The following KIAA0586 variants were observed in gnomAD, a reference collection of about 807,000 sequenced individuals.
The protein encoded by KIAA0586 is KIAA0586, also known as protein TALPID3.
A neutral mutation model predicts 169.8 loss-of-function variants in KIAA0586; 144 were observed. The ratio of observed to expected loss-of-function variants is 0.85; its 90% CI spans 0.74 to 0.97. The LOEUF is 0.97. Among genes scored for constraint, KIAA0586 ranks in the 50% least tolerant of loss-of-function variants. KIAA0586 has a pLI of 0.00. For missense variants in KIAA0586, 1,854 were observed against 1,823.0 expected (o/e 1.02, Z -0.31); for synonymous variants, 625 against 612.4 (o/e 1.02, Z -0.30).
chr14:58,538,025 G>A (rs1306258842), intron 29 of KIAA0586, among the ~76,000 whole-genome samples: 3 of 152,160 alleles, frequency 2.0e-5, no homozygotes, highest in Non-Finnish European at 1.5e-5. Context: ...ACAGACACCT[G>A]TAGTTCTAGC....
At chr14:58,511,211 ATAAAGTGT>A (rs1360036722) in intron 28 of KIAA0586, among the ~76,000 whole-genome samples, 2 of 152,222 alleles carry the variant, frequency 1.3e-5, no homozygotes, top group African/African-American at 4.8e-5. Context: ...GAATAAAACT[ATAAAGTGT>A]TACCAGAAGA....
intron 15 of KIAA0586, 100 bp downstream of exon 15, chr14:58,466,129 T>C: frequency 1.1e-6 from 1 of 911,402 alleles, no homozygotes; most frequent in East Asian, 2.5e-5. Flanking sequence ...TGGCTCAGAG[T>C]GGTCTGGAAC....
chr14:58,519,695 T>G (rs918981559), intron 29 of KIAA0586, among the ~76,000 whole-genome samples: 3 of 152,216 alleles, frequency 2.0e-5, no homozygotes, highest in African/African-American at 7.2e-5. Context: ...GATAGTGTTG[T>G]GATTTGTTTT....
At chr14:58,452,437 G>C (rs2039465540) in intron 8 of KIAA0586, among the ~76,000 whole-genome samples, 1 of 152,122 alleles carries the variant, frequency 6.6e-6, no homozygotes, top group Non-Finnish European at 1.5e-5. Context: ...TTTTAAGAAA[G>C]TCACAAGATA....
chr14:58,558,489 A>T, the KIAA0586 span, among the ~76,000 whole-genome samples: 1 of 152,220 alleles, frequency 6.6e-6, no homozygotes, highest in South Asian at 2.1e-4. Flanking sequence ...ATAAGGGTGG[A>T]TCTTCATGGA....
chr14:58,557,718 C>T, the KIAA0586 span, among the ~76,000 whole-genome samples: 2 of 151,988 alleles, frequency 1.3e-5, no homozygotes, highest in African/African-American at 4.8e-5. Context: ...TTCTCTCAGC[C>T]AAATTAATGC....
In KIAA0586 at chr14:58,457,792, G is replaced by A. The variant is rs757196467; in HGVS notation, c.1396G>A (p.Asp466Asn). 4 of 1,605,068 alleles carry A rather than the reference G, an allele frequency of 2.5e-6. No individual in the cohort carries two copies. Among genetic ancestry groups the A allele is most frequent in the Non-Finnish European group, 3.4e-6 (4 of 1,175,576 alleles). ...ATCTCTGAGTATGTTGAAGCTTCCA[G>A]ATCTTCCACAGAATTCTGTTAAGCT... ...KESLSMLKLP[D>N]LPQNSVKLQT... The change falls in exon 11 of 31, where the codon GAT becomes AAT. Residue 466 changes from aspartate (D) to asparagine (N), a missense_variant. By Grantham distance (23) the Asp-to-Asn change is conservative. Coordinates refer to ENST00000652326, the MANE Select transcript of KIAA0586 (RefSeq NM_001329943.3).
intron 26 of KIAA0586, among the ~76,000 whole-genome samples, chr14:58,496,282 T>TA (rs1359370298): frequency 1.3e-5 from 2 of 152,190 alleles, no homozygotes; most frequent in Non-Finnish European, 2.9e-5. Flanking sequence ...CAGAGATACT[T>TA]ATGAGTATGA....
intron 17 of KIAA0586, 116 bp downstream of exon 17, chr14:58,470,839 A>G (rs1412390268): frequency 1.7e-6 from 1 of 591,874 alleles, no homozygotes; most frequent in East Asian, 3.2e-5. Flanking sequence ...TTAGATTTTG[A>G]AGAAAAGATT....
At chr14:58,443,304 C>A (rs1217319480) in intron 5 of KIAA0586, among the ~76,000 whole-genome samples, 2 of 152,244 alleles carry the variant, frequency 1.3e-5, no homozygotes, top group African/African-American at 4.8e-5. Flanking sequence ...AAAACTAGAA[C>A]TCAAGGCTGC....
At chr14:58,474,067 A>C (rs531472212) in intron 18 of KIAA0586, among the ~76,000 whole-genome samples, 1 of 152,068 alleles carries the variant, frequency 6.6e-6, no homozygotes, top group African/African-American at 2.4e-5. Flanking sequence ...GGAGGGAGCA[A>C]GAGAGAGAGG....
chr14:58,453,783 A>C (rs964094400), intron 9 of KIAA0586, among the ~76,000 whole-genome samples: 5 of 152,180 alleles, frequency 3.3e-5, no homozygotes, highest in Admixed American at 3.3e-4. Context: ...GGGAGTATAG[A>C]TAAAATGAGG....
intron 6 of KIAA0586, 135 bp from the exon 7 acceptor site, chr14:58,448,205 C>A: frequency 1.6e-6 from 1 of 610,226 alleles, no homozygotes; most frequent in Non-Finnish European, 2.8e-6. Context: ...TGGATACTTG[C>A]AATGTAATAC....
intron 1 of KIAA0586, among the ~76,000 whole-genome samples, chr14:58,428,989 C>T (rs1009659208): frequency 6.6e-6 from 1 of 152,132 alleles, no homozygotes; most frequent in African/African-American, 2.4e-5. Flanking sequence ...CAGCAAAACG[C>T]TTTTGTAATG....
chr14:58,517,541 T>C (rs1051086453), intron 29 of KIAA0586, among the ~76,000 whole-genome samples: 1 of 152,200 alleles, frequency 6.6e-6, no homozygotes, highest in Non-Finnish European at 1.5e-5. Flanking sequence ...GAATGCAACA[T>C]GCACCTTGGA....
chr14:58,436,695 A>C (rs540521497), intron 4 of KIAA0586, among the ~76,000 whole-genome samples: 1 of 152,340 alleles, frequency 6.6e-6, no homozygotes, highest in East Asian at 1.9e-4. Flanking sequence ...ATATGTGTGT[A>C]TATACATACA....
intron 14 of KIAA0586, among the ~76,000 whole-genome samples, chr14:58,464,838 A>G (rs550747507): frequency 1.3e-5 from 2 of 152,202 alleles, no homozygotes; most frequent in South Asian, 4.2e-4. Context: ...AGACAAAGGG[A>G]TGATTCATGT....
chr14:58,529,425 A>C (rs928387493), intron 29 of KIAA0586, among the ~76,000 whole-genome samples: 4 of 152,238 alleles, frequency 2.6e-5, no homozygotes, highest in Non-Finnish European at 5.9e-5. Context: ...TCAGGCCAGT[A>C]TCCGTGATGA....
At chr14:58,490,123 G>A in intron 24 of KIAA0586, 41 bp from the exon 25 acceptor site, 1 of 971,936 alleles carries the variant, frequency 1.0e-6, no homozygotes, top group Non-Finnish European at 1.5e-6. Flanking sequence ...CTAAGTTTGT[G>A]TTTCTTTTTT....
Sources: gnomAD v4.1 joint callset for allele counts (sites outside exome capture counted in the v4.1 genomes callset) on GRCh38, gnomAD v4.1.1 for gene constraint, MANE v1.5 for transcripts, NCBI Gene and HGNC (gene_info 2026-07-23, HGNC 2026-07-21) for gene names.